RYR2: variants seen among roughly 807,000 people sequenced by gnomAD.
The protein encoded by RYR2 is cardiac muscle ryanodine receptor-calcium release channel.
Under a neutral mutation model 601.1 loss-of-function variants are expected in RYR2, and 227 were observed. The ratio of observed to expected loss-of-function variants is 0.38; its 90% CI spans 0.34 to 0.42. The LOEUF (loss-of-function observed/expected upper bound fraction) is 0.42. RYR2 is among the 10% of genes least tolerant of loss of function. RYR2 has a pLI of 1.00. For missense variants in RYR2, 4,646 were observed against 6,156.5 expected (o/e 0.75, Z 8.21); for synonymous variants, 2,223 against 2,175.1 (o/e 1.02, Z -0.61).
At chr1:237,694,158 G>A (rs927070131) in intron 63 of RYR2, among the ~76,000 whole-genome samples, 2 of 151,996 alleles carry the variant, frequency 1.3e-5, no homozygotes, top group Non-Finnish European at 2.9e-5. Flanking sequence ...GCCGGGCGTG[G>A]TGGCAGGCGC....
chr1:237,591,893 A>G (rs576305331), intron 32 of RYR2, 40 bp downstream of exon 32: 305 of 1,415,736 alleles, frequency 2.2e-4, no homozygotes, highest in South Asian at 3.9e-4. Context: ...TCTATCTGTC[A>G]CTCATTATGT....
Position 237,770,805 on chromosome 1 carries a change from A to C in RYR2, c.11477-2A>C. 1 of 1,549,614 alleles carries C rather than the reference A, an allele frequency of 6.5e-7. No homozygotes were observed. The highest frequency in any genetic ancestry group is 2.4e-5 in the East Asian group (1 of 41,140). ...TGTTTGATCCCTCTGGATTTCCCAC[A>C]GGAGAAAAGGTTCTGCAGGACGATG... On this transcript the variant is annotated splice_acceptor_variant, in intron 84 of 104. Coordinates refer to ENST00000366574, the MANE Select transcript of RYR2 (RefSeq NM_001035.3). LOFTEE classifies it high-confidence loss of function.
Position 237,445,254 on chromosome 1 carries a change from A to T in RYR2, c.1171-147A>T, listed in dbSNP as rs1004021300. 8.0e-6 allele frequency: 7 copies of T among 880,174 alleles called. No homozygotes were observed. The African/African-American group carries it at 1.0e-4, about 13-fold the overall frequency. The allele number at this position is 880,174 out of a possible 1,614,324, so 54.5% of individuals were successfully genotyped here. On this transcript the variant is annotated intron_variant, in intron 13 of 104. Coordinates refer to ENST00000366574, the MANE Select transcript of RYR2 (RefSeq NM_001035.3). ...TATAGGGAGCTGTGCATATGATTTT[A>T]TCTGAACGTAACAGCTTCACAGTCC...
At chr1:237,659,512 G>A (rs909897316) in intron 54 of RYR2, among the ~76,000 whole-genome samples, 2 of 152,116 alleles carry the variant, frequency 1.3e-5, no homozygotes, top group South Asian at 2.1e-4. Context: ...CAGAGAAGAC[G>A]CTGAGATGCA....
At chr1:237,476,986 T>G (rs1661478890) in intron 17 of RYR2, among the ~76,000 whole-genome samples, 1 of 152,158 alleles carries the variant, frequency 6.6e-6, no homozygotes, top group African/African-American at 2.4e-5. Flanking sequence ...GCATAGCCCT[T>G]TAGGGTGGCA....
In RYR2 at chr1:237,810,083, TAATAGTAATACTCATTTTTA is replaced by T. The variant is rs561613642; in HGVS notation, c.14433+1049_14433+1068del. On this transcript the variant is annotated intron_variant, in intron 100 of 104. Coordinates refer to ENST00000366574, the MANE Select transcript of RYR2 (RefSeq NM_001035.3). ...ACAAGACAGAATTTGATGCCTTAAATAATAGTAATACTCATTTTTACATGGAGAACGGTCTGAGTATGACA... is the reference window on the plus strand; with the variant it reads ...ACAAGACAGAATTTGATGCCTTAAATCATGGAGAACGGTCTGAGTATGACA... 5.3e-5 allele frequency among the ~76,000 whole-genome samples: 8 copies of T among 152,276 alleles called. No homozygotes were observed. In the East Asian group the frequency reaches 1.5e-3, roughly 29 times the overall value.
intron 2 of RYR2, among the ~76,000 whole-genome samples, chr1:237,314,681 A>G (rs1257108790): frequency 1.3e-5 from 2 of 152,216 alleles, no homozygotes; most frequent in African/African-American, 4.8e-5. Context: ...TGTTCTTTTG[A>G]GGAGAGATGA....
intron 44 of RYR2, among the ~76,000 whole-genome samples, chr1:237,636,465 T>C (rs1024774033): frequency 6.6e-5 from 10 of 152,060 alleles, no homozygotes; most frequent in Admixed American, 2.0e-4. Context: ...GTATAGTACT[T>C]AAAATCTTTT....
At chr1:237,382,275 C>T (rs915666001) in intron 8 of RYR2, among the ~76,000 whole-genome samples, 6 of 152,136 alleles carry the variant, frequency 3.9e-5, no homozygotes, top group African/African-American at 1.4e-4. Context: ...AAGCAGAATG[C>T]TTATCTAAAG....
intron 24 of RYR2, among the ~76,000 whole-genome samples, chr1:237,521,125 A>G (rs1667039009): frequency 6.6e-6 from 1 of 151,690 alleles, no homozygotes; most frequent in Admixed American, 6.6e-5. Context: ...TATACCTAAC[A>G]TACATAGAAC....
chr1:237,108,875 G>C (rs939710536), intron 1 of RYR2, among the ~76,000 whole-genome samples: 1 of 152,170 alleles, frequency 6.6e-6, no homozygotes, highest in Non-Finnish European at 1.5e-5. Flanking sequence ...CTGTGTTTTG[G>C]GGTACTGGCT....
intron 1 of RYR2, among the ~76,000 whole-genome samples, chr1:237,144,349 T>C (rs575434365): frequency 6.6e-6 from 1 of 152,252 alleles, no homozygotes; most frequent in Middle Eastern, 3.4e-3. Context: ...AGGGTGACCA[T>C]TGGTGTTAAC....
intron 93 of RYR2, chr1:237,791,890 T>A: frequency 1.7e-6 from 1 of 586,460 alleles, no homozygotes. Context: ...ATCCTCAGAA[T>A]TTTTGGTTGA....
At chr1:237,284,180 C>T (rs920952506) in intron 2 of RYR2, among the ~76,000 whole-genome samples, 2 of 151,946 alleles carry the variant, frequency 1.3e-5, no homozygotes, top group Non-Finnish European at 2.9e-5. Flanking sequence ...GTAGGGAGTT[C>T]GAGACCAGCC....
intron 2 of RYR2, among the ~76,000 whole-genome samples, chr1:237,329,473 CTGTATTAAAAATA>C (rs1430587145): frequency 6.6e-6 from 1 of 151,968 alleles, no homozygotes; most frequent in East Asian, 1.9e-4. Flanking sequence ...AAACCCCCAT[CTGTATTAAAAATA>C]CAAAAATTAG....
intron 83 of RYR2, among the ~76,000 whole-genome samples, chr1:237,760,361 T>TA (rs34435442): frequency 0.3 from 30,351 of 100,010 alleles, 4,516 homozygotes; most frequent in Non-Finnish European, 0.32. Context: ...GTCGCTAATT[T>TA]AAAAAAAAAA....
At position 237,783,718 on chromosome 1, in the gene RYR2, G is replaced by T; in HGVS notation, c.12006G>T (p.Met4002Ile). 1 of 1,611,494 alleles carries T rather than the reference G, an allele frequency of 6.2e-7. No individual in the cohort carries two copies. Among genetic ancestry groups the T allele is most frequent in the Non-Finnish European group, 8.5e-7 (1 of 1,178,362 alleles). The change falls in exon 90 of 105, where the codon ATG becomes ATT. Residue 4002 changes from methionine to isoleucine, a missense_variant. Met to Ile is a conservative substitution (Grantham distance 10). This residue lies in a region of RYR2 where 90 missense variants were observed against 213.3 expected (regional missense o/e 0.42). Transcript: ENST00000366574. ...CGATTGGCAAACAGATGGTGGATAT[G>T]CTTGTGGAATCTTCCAACAACGTGG... ...NGTIGKQMVDMLVESSNNVEM... is the reference protein window; with the variant it reads ...NGTIGKQMVDILVESSNNVEM...
chr1:237,811,051 C>T (rs1333528612), intron 100 of RYR2, among the ~76,000 whole-genome samples: 3 of 152,072 alleles, frequency 2.0e-5, no homozygotes, highest in African/African-American at 7.2e-5. Flanking sequence ...AGACTTTACT[C>T]CTGTCTGAAT....
intron 1 of RYR2, among the ~76,000 whole-genome samples, chr1:237,227,511 C>T (rs1160265249): frequency 6.6e-6 from 1 of 152,148 alleles, no homozygotes; most frequent in Non-Finnish European, 1.5e-5. Context: ...ACTGTTTCAT[C>T]ATAACATCTA....
Sources: allele counts gnomAD v4.1 joint callset (sites outside exome capture counted in the v4.1 genomes callset), GRCh38; gene constraint gnomAD v4.1.1; regional missense constraint gnomAD v4.1.1; transcripts MANE v1.5; gene names NCBI Gene and HGNC (gene_info 2026-07-23, HGNC 2026-07-21).